The following MECOM variants were observed in gnomAD, a reference collection of about 807,000 sequenced individuals.
MECOM encodes histone-lysine N-methyltransferase MECOM.
Under a neutral mutation model 116.3 loss-of-function variants are expected in MECOM, and 13 were observed. The ratio of observed to expected loss-of-function variants is 0.11; its 90% CI spans 0.07 to 0.18. MECOM has a LOEUF of 0.18. Ranked by LOEUF, MECOM falls within the 10% of genes least tolerant of loss-of-function variation. MECOM has a pLI of 1.00. For synonymous variants in MECOM, 528 were observed against 535.2 expected, an observed-to-expected ratio of 0.99 and a Z score of 0.19; for missense variants, 1,299 against 1,509.0, an observed-to-expected ratio of 0.86 and a Z score of 2.31.
chr3:169,162,381 G>A (rs1742974714), intron 2 of MECOM, among the ~76,000 whole-genome samples: 1 of 152,084 alleles, frequency 6.6e-6, no homozygotes, highest in Admixed American at 6.6e-5. Flanking sequence ...TTGAAAGAAC[G>A]GCAAATAGTA....
chr3:169,662,958 G>C (rs1776509600), intron 1 of MECOM, among the ~76,000 whole-genome samples: 1 of 151,508 alleles, frequency 6.6e-6, no homozygotes, highest in Non-Finnish European at 1.5e-5. Flanking sequence ...GGGGGGAAGG[G>C]GAGGGGAGGG....
At chr3:169,345,507 A>G (rs1367278636) in intron 2 of MECOM, among the ~76,000 whole-genome samples, 1 of 152,188 alleles carries the variant, frequency 6.6e-6, no homozygotes, top group Non-Finnish European at 1.5e-5. Context: ...AATAGTCAAT[A>G]GAGTTCTACT....
intron 1 of MECOM, among the ~76,000 whole-genome samples, chr3:169,431,629 C>A (rs1383388411): frequency 6.6e-6 from 1 of 152,210 alleles, no homozygotes; most frequent in African/African-American, 2.4e-5. Context: ...TTCAAAGTCG[C>A]ACAGACTAAT....
intron 2 of MECOM, among the ~76,000 whole-genome samples, chr3:169,345,176 C>A (rs980399662): frequency 6.6e-6 from 1 of 152,066 alleles, no homozygotes; most frequent in African/African-American, 2.4e-5. Context: ...CATTTCAAAG[C>A]TTTTAAAAGC....
At chr3:169,552,768 A>C (rs1378318111) in intron 1 of MECOM, among the ~76,000 whole-genome samples, 1 of 141,526 alleles carries the variant, frequency 7.1e-6, no homozygotes, top group Non-Finnish European at 1.5e-5. Context: ...TGCCACTTGC[A>C]AGCTCTGTAA....
intron 2 of MECOM, among the ~76,000 whole-genome samples, chr3:169,183,048 T>G (rs1234406927): frequency 6.6e-6 from 1 of 152,182 alleles, no homozygotes. Context: ...CTCATGATTC[T>G]CATCTCTAAA....
At chr3:169,096,989 T>C (rs1721708026) in intron 12 of MECOM, among the ~76,000 whole-genome samples, 1 of 151,020 alleles carries the variant, frequency 6.6e-6, no homozygotes, top group South Asian at 2.1e-4. Flanking sequence ...TAAATGCGTA[T>C]AAAGTTATGA....
At chr3:169,511,514 C>T (rs1415376286) in intron 1 of MECOM, among the ~76,000 whole-genome samples, 2 of 152,168 alleles carry the variant, frequency 1.3e-5, no homozygotes, top group African/African-American at 4.8e-5. Context: ...GTAGTCCCAG[C>T]ACTTTGGGAG....
chr3:169,343,605 CAAAT>C (rs1724913169), intron 2 of MECOM, among the ~76,000 whole-genome samples: 1 of 152,104 alleles, frequency 6.6e-6, no homozygotes, highest in African/African-American at 2.4e-5. Flanking sequence ...AATAGCTAAA[CAAAT>C]AGAAAATTGT....
intron 1 of MECOM, among the ~76,000 whole-genome samples, chr3:169,453,593 A>G (rs1745968137): frequency 6.6e-6 from 1 of 152,182 alleles, no homozygotes; most frequent in Non-Finnish European, 1.5e-5. Flanking sequence ...CATAATCAAT[A>G]TCATATATGG....
intron 1 of MECOM, among the ~76,000 whole-genome samples, chr3:169,590,526 C>G (rs1488983665): frequency 6.6e-6 from 1 of 152,164 alleles, no homozygotes; most frequent in African/African-American, 2.4e-5. Context: ...AGAATAAAAT[C>G]CTTTTCTCGA....
At chr3:169,530,843 A>T (rs1052297464) in intron 1 of MECOM, among the ~76,000 whole-genome samples, 1 of 152,100 alleles carries the variant, frequency 6.6e-6, no homozygotes, top group African/African-American at 2.4e-5. Flanking sequence ...ACTCATAGTA[A>T]TAGTTTTAAT....
At chr3:169,662,619 C>T (rs1776445157) in intron 1 of MECOM, among the ~76,000 whole-genome samples, 1 of 146,814 alleles carries the variant, frequency 6.8e-6, no homozygotes, top group African/African-American at 2.5e-5. Flanking sequence ...GTGTCCCCTA[C>T]TCCCCGCCGC....
intron 1 of MECOM, among the ~76,000 whole-genome samples, chr3:169,485,110 T>G (rs907003505): frequency 1.4e-4 from 22 of 152,152 alleles, no homozygotes; most frequent in African/African-American, 4.3e-4. Flanking sequence ...TTCTCCTGCC[T>G]CAGTCTCCTG....
intron 2 of MECOM, among the ~76,000 whole-genome samples, chr3:169,239,686 T>C (rs956588567): frequency 1.1e-4 from 17 of 152,086 alleles, no homozygotes; most frequent in Admixed American, 7.9e-4. Flanking sequence ...CATTAATCTA[T>C]TAATGTAATC....
chr3:169,521,087 G>A lies in MECOM; in HGVS notation c.38-139563C>T, dbSNP rs543507821. On this transcript the variant is annotated intron_variant, in intron 1 of 16. Coordinates refer to ENST00000651503, the MANE Select transcript of MECOM (RefSeq NM_004991.4). Reference sequence around the variant, plus strand: ...GTGCCAGAGGCAATGGGGTCAACTCGGAGAAGATAGGTGAGGCTGGAGGGA... The same window carrying A: ...GTGCCAGAGGCAATGGGGTCAACTCAGAGAAGATAGGTGAGGCTGGAGGGA... Among the ~76,000 whole-genome samples the A allele has an allele frequency of 1.1e-4, 17 of 152,286 alleles. No homozygotes were observed. In the South Asian group the frequency reaches 3.1e-3, roughly 28 times the overall value.
intron 2 of MECOM, among the ~76,000 whole-genome samples, chr3:169,210,130 T>TC (rs1360802145): frequency 3.9e-5 from 6 of 151,966 alleles, no homozygotes; most frequent in African/African-American, 1.2e-4. Flanking sequence ...CCACATGTTC[T>TC]CACTCATAAG....
chr3:169,486,043 A>G (rs138594602), intron 1 of MECOM, among the ~76,000 whole-genome samples: 6,877 of 130,302 alleles, frequency 0.053, 213 homozygotes, highest in East Asian at 0.14. Context: ...ATATATATGT[A>G]TATATATATA....
chr3:169,410,566 T>A (rs1416131925), intron 1 of MECOM, among the ~76,000 whole-genome samples: 3 of 151,548 alleles, frequency 2.0e-5, no homozygotes, highest in Non-Finnish European at 2.9e-5. Flanking sequence ...AAATCCAGCA[T>A]GAGTAATACT....
Sources: gnomAD v4.1 joint callset for allele counts (sites outside exome capture counted in the v4.1 genomes callset) on GRCh38, gnomAD v4.1.1 for gene constraint, MANE v1.5 for transcripts, NCBI Gene and HGNC (gene_info 2026-07-23, HGNC 2026-07-21) for gene names.